The following MYH7 variants were observed in gnomAD, a reference collection of about 807,000 sequenced individuals.
The protein encoded by MYH7 is myosin heavy chain 7, also known as myosin-7.
MYH7 carries 129 observed loss-of-function variants against 225.4 expected under a neutral mutation model. The observed-to-expected ratio is 0.57, with a 90% confidence interval of 0.50 to 0.66. The LOEUF (loss-of-function observed/expected upper bound fraction) is 0.66, where lower values mean the gene tolerates loss of function less well. Among genes scored for constraint, MYH7 ranks in the 30% least tolerant of loss-of-function variants. The pLI is 0.00. For synonymous variants in MYH7, 971 were observed against 1,007.6 expected (o/e 0.96, Z 0.69); for missense variants, 1,649 against 2,517.0 (o/e 0.66, Z 7.38).
rs948329167 is a variant in MYH7 at position 23,417,209 on chromosome 14, T to C, written c.4463A>G (p.Tyr1488Cys). 4 of 1,614,202 alleles carry C rather than the reference T, an allele frequency of 2.5e-6. No homozygotes were observed. The highest frequency in any genetic ancestry group is 1.7e-5 in the Admixed American group (1 of 60,030). The change falls in exon 32 of 40, where the codon TAT becomes TGT. Residue 1488 changes from tyrosine to cysteine, a missense_variant. Physicochemically the swap from Tyr to Cys is radical, Grantham distance 194 (BLOSUM62 -2). This residue lies in a region of MYH7 where 687 missense variants were observed against 913.8 expected (regional missense o/e 0.75). Transcript: ENST00000355349. ...STELFKLKNAYEESLEHLETF... is the reference protein window; with the variant it reads ...STELFKLKNACEESLEHLETF... The stretch of plus-strand genomic sequence containing the variant: ...CTCCAGATGTTCCAGGGACTCCTCA[T>C]AGGCGTTCTTGAGTTTGAAGAGCTC...
Position 23,416,874 on chromosome 14 carries a change from C to A in MYH7, c.4638G>T (p.Glu1546Asp). 5 of 1,614,200 alleles carry A rather than the reference C, an allele frequency of 3.1e-6. No homozygotes were observed. The highest frequency in any genetic ancestry group is 3.4e-6 in the Non-Finnish European group (4 of 1,180,038). Residue 1546 changes from glutamate (E) to aspartate (D), a missense_variant, in exon 33 of 40, where the codon GAG (glutamate) becomes GAT (aspartate). By Grantham distance (45) the Glu-to-Asp change is conservative. Transcript: ENST00000355349. The part of the protein sequence containing the change: ...EKMELQSALE[E>D]AEASLEHEEG... ...GCCCTGCACACACACACACCTCGGCCTCCTCCAGGGCTGACTGCAGCTCCA... is the reference window on the plus strand; with the variant it reads ...GCCCTGCACACACACACACCTCGGCATCCTCCAGGGCTGACTGCAGCTCCA...
In MYH7 at chr14:23,433,411, A is replaced by G. The variant is rs3729995; in HGVS notation, c.201+121T>C. On this transcript the variant is annotated intron_variant, in intron 3 of 39. Coordinates refer to ENST00000355349, the MANE Select transcript of MYH7 (RefSeq NM_000257.4). The surrounding 1 kb of genome is among the most constrained non-coding windows in gnomAD (Gnocchi z 4.1). ...TTTGGAGGGTCTGGATTCTTCCCCA[A>G]AGGGAAGGAGAATGGGACCATCCTC... The G allele has an allele frequency of 6.5e-3, 9,278 of 1,434,702 alleles. 460 individuals carry two copies. In the African/African-American group the frequency reaches 0.11, roughly 17 times the overall value. 88.9% of individuals were successfully genotyped at this position (1,434,702 alleles called of 1,614,324 possible).
Position 23,425,934 on chromosome 14 carries a change from C to G in MYH7, c.2162+30G>C, listed in dbSNP as rs1892679322. On this transcript the variant is annotated intron_variant, in intron 19 of 39. Transcript: ENST00000355349. This position sits in a 1 kb window ranked among gnomAD's most constrained non-coding sequence, Gnocchi z 4.6. Reference sequence around the variant, plus strand: ...TCAGGGCAGCCTGGCTCCCCCTGTTCTATGAGCTCTGGTGCACCCTCATAC... The same window carrying G: ...TCAGGGCAGCCTGGCTCCCCCTGTTGTATGAGCTCTGGTGCACCCTCATAC... The G allele has an allele frequency of 3.7e-6, 6 of 1,612,978 alleles. No homozygotes were observed. The South Asian group carries it at 5.5e-5, about 15-fold the overall frequency.
chr14:23,419,424 T>C, intron 28 of MYH7, 59 bp downstream of exon 28: 2 of 1,610,650 alleles, frequency 1.2e-6, no homozygotes, highest in Non-Finnish European at 8.5e-7. Context: ...GAGGCTGGAG[T>C]GGCTCAGGAG....
At chr14:23,422,520 A>C (rs1274809548) in intron 24 of MYH7, among the ~76,000 whole-genome samples, 195 bp from the exon 25 acceptor site, 1 of 151,866 alleles carries the variant, frequency 6.6e-6, no homozygotes, top group Non-Finnish European at 1.5e-5. Flanking sequence ...TTTATAGATA[A>C]AGGAATAAAT....
rs969503678 is a variant in MYH7 at position 23,432,926 on chromosome 14, T to C, written c.346-131A>G. ...CTCTGCATGCACTCAATCTGAGTAA[T>C]GCCAGTCCCCAGAGTGTTGGAATTG... On this transcript the variant is annotated intron_variant, in intron 4 of 39. Coordinates refer to ENST00000355349, the MANE Select transcript of MYH7 (RefSeq NM_000257.4). 9.4e-6 allele frequency: 14 copies of C among 1,494,064 alleles called. No individual in the cohort carries two copies. In the South Asian group the frequency reaches 1.2e-4, roughly 12 times the overall value. The allele number at this position is 1,494,064 out of a possible 1,614,324, so 92.6% of individuals were successfully genotyped here.
intron 16 of MYH7, 118 bp from the exon 17 acceptor site, chr14:23,427,425 A>G: frequency 1.4e-6 from 2 of 1,466,714 alleles, no homozygotes; most frequent in Non-Finnish European, 1.9e-6. Flanking sequence ...AGGGCCTTCA[A>G]TGTGGCTGCC....
intron 12 of MYH7, 40 bp from the exon 13 acceptor site, chr14:23,429,387 GACTGC>G: frequency 6.4e-7 from 1 of 1,572,102 alleles, no homozygotes; most frequent in South Asian, 1.1e-5. Flanking sequence ...GTAAAGAGAT[GACTGC>G]TGGCCAGGTG....
intron 2 of MYH7, 138 bp downstream of exon 2, chr14:23,434,056 G>T (rs2138687900): frequency 1.8e-6 from 1 of 548,678 alleles, no homozygotes; most frequent in East Asian, 5.6e-5. Flanking sequence ...TGGACCCCCT[G>T]GTCACAGGTA....
chr14:23,424,616 TG>T (rs1334377983), intron 22 of MYH7, among the ~76,000 whole-genome samples, 152 bp downstream of exon 22: 1 of 152,206 alleles, frequency 6.6e-6, no homozygotes, highest in Admixed American at 6.5e-5. Flanking sequence ...TTCCTCCTCC[TG>T]AGGGACCTCT....
In MYH7 at chr14:23,429,926, C is replaced by A. The variant is rs772831757; in HGVS notation, c.1000-13G>T. On this transcript the variant is annotated splice_polypyrimidine_tract_variant and intron_variant, in intron 11 of 39. Coordinates refer to ENST00000355349, the MANE Select transcript of MYH7 (RefSeq NM_000257.4). ...CATCAAAAGCGTTCTGTAGGGAGGCCCCATATTGGCGGACCCCAGAAAAAG... is the reference window on the plus strand; with the variant it reads ...CATCAAAAGCGTTCTGTAGGGAGGCACCATATTGGCGGACCCCAGAAAAAG... 2.5e-6 allele frequency: 4 copies of A among 1,613,612 alleles called. No individual in the cohort carries two copies. Among genetic ancestry groups the A allele is most frequent in the Non-Finnish European group, 1.7e-6 (2 of 1,179,980 alleles).
In MYH7 at chr14:23,422,217, C is replaced by T. The variant is rs137857131; in HGVS notation, c.3208G>A (p.Glu1070Lys). The change falls in exon 25 of 40, where the codon GAG becomes AAG. Residue 1070 changes from glutamate to lysine, a missense_variant. By Grantham distance (56) the Glu-to-Lys change is moderately conservative (BLOSUM62 1). This residue lies in a region of MYH7 where 282 missense variants were observed against 315.3 expected (regional missense o/e 0.89). Transcript: ENST00000355349. ...TCATCCAGCTGCTGCTTGTCATTCT[C>T]CAGGTCCATGATGCTCTCCTGGGTC... ...KLTQESIMDL[E>K]NDKQQLDERL... The T allele has an allele frequency of 1.9e-6, 3 of 1,613,748 alleles. No homozygotes were observed. Among genetic ancestry groups the T allele is most frequent in the South Asian group, 2.2e-5 (2 of 91,046 alleles).
chr14:23,419,357 A>G, intron 28 of MYH7, 62 bp from the exon 29 acceptor site: 2 of 1,612,424 alleles, frequency 1.2e-6, no homozygotes, highest in African/African-American at 1.3e-5. Context: ...TCTAGCCCTC[A>G]GGCCCCATTT....
Position 23,430,644 on chromosome 14 carries a change from G to T in MYH7, c.915C>A (p.Asn305Lys). 4.3e-6 allele frequency: 7 copies of T among 1,614,096 alleles called. No individual in the cohort carries two copies. Among genetic ancestry groups the T allele is most frequent in the Non-Finnish European group, 5.1e-6 (6 of 1,179,962 alleles). Reference sequence around the variant, plus strand: ...AGATGAATGCATAATCGTAGGGGTTGTTGGTGATCAGCAGCATGTCTAGGG... The same window carrying T: ...AGATGAATGCATAATCGTAGGGGTTTTTGGTGATCAGCAGCATGTCTAGGG... ...PELLDMLLIT[N>K]NPYDYAFISQ... The change falls in exon 11 of 40, where the codon AAC (asparagine) becomes AAA (lysine). Residue 305 changes from asparagine (N) to lysine (K), a missense_variant. Physicochemically the swap from Asn to Lys is moderately conservative, Grantham distance 94. Around this residue, in one of 12 missense-constraint regions of MYH7, gnomAD observed 131 missense variants for 231.3 expected, o/e 0.57. Transcript: ENST00000355349.
intron 27 of MYH7, 57 bp from the exon 28 acceptor site, chr14:23,419,666 T>A: frequency 6.2e-7 from 1 of 1,611,286 alleles, no homozygotes; most frequent in Non-Finnish European, 8.5e-7. Context: ...AATGAAGGGG[T>A]GTAAGAGGTG....
At chr14:23,429,641 G>A (rs556721414) in intron 12 of MYH7, 134 bp downstream of exon 12, 477 of 1,309,374 alleles carry the variant, frequency 3.6e-4, no homozygotes, top group Non-Finnish European at 4.6e-4. Flanking sequence ...GTGCCACTGC[G>A]CTCCAGCCTG....
At chr14:23,420,794 C>T (rs911103647) in intron 26 of MYH7, among the ~76,000 whole-genome samples, 164 bp downstream of exon 26, 1 of 152,166 alleles carries the variant, frequency 6.6e-6, no homozygotes, top group Non-Finnish European at 1.5e-5. Flanking sequence ...TCACCTGACC[C>T]CTTTTGGATG....
At position 23,416,717 on chromosome 14, in the gene MYH7, A is replaced by G. The variant is rs1892227174; in HGVS notation, c.4644+151T>C. Reference sequence around the variant, plus strand: ...GTGACTGGTCATTCATTCACTCCACAAATCTTCACTGAATGCCTACTATGT... The same window carrying G: ...GTGACTGGTCATTCATTCACTCCACGAATCTTCACTGAATGCCTACTATGT... On this transcript the variant is annotated intron_variant, in intron 33 of 39. Transcript: ENST00000355349. 7.9e-6 allele frequency: 10 copies of G among 1,268,046 alleles called. No homozygotes were observed. The East Asian group carries it at 2.5e-4, about 31-fold the overall frequency. The allele number at this position is 1,268,046 out of a possible 1,614,324, so 78.5% of individuals were successfully genotyped here. A position where few individuals can be genotyped will look rare whatever the true frequency, so the allele number is the denominator to read the frequency against.
rs267603955 is a variant in MYH7 at position 23,433,177 on chromosome 14, G to A, written c.252C>T (p.Phe84=). 8 of 1,614,068 alleles carry A rather than the reference G, an allele frequency of 5.0e-6. No homozygotes were observed. Among genetic ancestry groups the A allele is most frequent in the East Asian group, 2.2e-5 (1 of 44,862 alleles). The part of the protein sequence containing the change: ...DQVMQQNPPK[F]DKIEDMAMLT... ...GCATGGCCATGTCCTCGATTTTGTC[G>A]AACTTGGGTGGGTTCTGCTGCATCA... Residue 84 remains phenylalanine, a synonymous_variant, in exon 4 of 40, where the codon TTC becomes TTT. Coordinates refer to ENST00000355349, the MANE Select transcript of MYH7 (RefSeq NM_000257.4). The surrounding 1 kb of genome is among the most constrained non-coding windows in gnomAD (Gnocchi z 4.1).
Sources: gnomAD v4.1 joint callset for allele counts (sites outside exome capture counted in the v4.1 genomes callset) on GRCh38, gnomAD v4.1.1 for gene constraint, gnomAD v4.1.1 regional missense constraint, Gnocchi (gnomAD v3.1) non-coding constraint, MANE v1.5 for transcripts, NCBI Gene and HGNC (gene_info 2026-07-23, HGNC 2026-07-21) for gene names.